Variants in CCNB3 observed in about 807,000 individuals in gnomAD.
The protein encoded by CCNB3 is G2/mitotic-specific cyclin-B3.
CCNB3 carries 12 observed loss-of-function variants against 68.0 expected under a neutral mutation model. The observed-to-expected ratio is 0.18, with a 90% CI of 0.11 to 0.29. The LOEUF is 0.29. CCNB3 is among the 10% of genes least tolerant of loss of function. The pLI is 1.00. For synonymous variants in CCNB3, 354 were observed against 388.9 expected (o/e 0.91, Z 1.06); for missense variants, 904 against 993.1 (o/e 0.91, Z 1.21).
At chrX:50,228,308 A>C (rs957873480) in intron 1 of CCNB3, among the ~76,000 whole-genome samples, 14 of 93,955 alleles carry the variant, frequency 1.5e-4, no homozygotes, top group Admixed American at 4.2e-4. Context: ...TATATAGAGA[A>C]TATATATGAA....
In CCNB3 at chrX:50,311,358, C is replaced by A. The variant is rs781933670; in HGVS notation, c.3189C>A (p.Thr1063=). 1.9e-5 allele frequency: 23 copies of A among 1,210,797 alleles called. No homozygotes were observed. The highest frequency in any genetic ancestry group is 1.8e-5 in the Non-Finnish European group (16 of 895,206). ...IGTSPYVFST[T]PESITEKSSI... ...CCAGCCCATATGTGTTTAGCACCAC[C>A]CCTGAATCCATAACAGAGAAGTCCA... The change falls in exon 6 of 13, where the codon ACC becomes ACA. Residue 1063 remains threonine, a synonymous_variant. Coordinates refer to ENST00000376042, the MANE Select transcript of CCNB3 (RefSeq NM_033031.3).
At chrX:50,295,960 A>G (rs1395285661) in intron 5 of CCNB3, among the ~76,000 whole-genome samples, 1 of 111,176 alleles carries the variant, frequency 9.0e-6, no homozygotes, top group Non-Finnish European at 1.9e-5. Flanking sequence ...TCCACAGGAT[A>G]TTGTGCTAAT....
intron 8 of CCNB3, among the ~76,000 whole-genome samples, chrX:50,324,761 TAAGTA>T (rs1922210063): frequency 2.7e-5 from 3 of 112,407 alleles, no homozygotes; most frequent in African/African-American, 9.7e-5. Flanking sequence ...CATTTTCTTC[TAAGTA>T]TAGTTCTGAG....
intron 1 of CCNB3, among the ~76,000 whole-genome samples, chrX:50,279,336 A>T (rs1450952347): frequency 2.7e-5 from 2 of 75,076 alleles, no homozygotes; most frequent in African/African-American, 1.1e-4. Flanking sequence ...AATATATATG[A>T]ATATATATAT....
intron 8 of CCNB3, among the ~76,000 whole-genome samples, chrX:50,330,754 A>G (rs1423186653): frequency 8.9e-6 from 1 of 112,225 alleles, no homozygotes; most frequent in Non-Finnish European, 1.9e-5. Context: ...TTGCATGGGC[A>G]TATGTGCCAG....
At position 50,327,801 on chromosome X, in the gene CCNB3, C is replaced by A. The variant is rs375846079; in HGVS notation, c.3516+13853C>A. On this transcript the variant is annotated intron_variant, in intron 8 of 12. Transcript: ENST00000376042. ...AAAGTCCATTTTCTAATCCATAGAA[C>A]CTGTACATATGTTACCTTATCTAGT... 3.0e-4 allele frequency among the ~76,000 whole-genome samples: 33 copies of A among 111,768 alleles called. No homozygotes were observed. The South Asian group carries it at 0.012, about 40-fold the overall frequency.
intron 1 of CCNB3, among the ~76,000 whole-genome samples, chrX:50,279,455 T>G (rs1936043672): frequency 1.2e-5 from 1 of 81,343 alleles, no homozygotes; most frequent in African/African-American, 4.7e-5. Flanking sequence ...AATATATAAA[T>G]ATATATAAAT....
intron 8 of CCNB3, among the ~76,000 whole-genome samples, chrX:50,332,846 G>A (rs1557218266): frequency 8.9e-6 from 1 of 111,850 alleles, no homozygotes; most frequent in Non-Finnish European, 1.9e-5. Flanking sequence ...AGTTGAAATA[G>A]TTTGTGTAAT....
chrX:50,226,237 A>ATATATATAGAATATATATATT lies in CCNB3; in HGVS notation c.-113+21296_-113+21316dup, dbSNP rs1935778689. Among the ~76,000 whole-genome samples the ATATATATAGAATATATATATT allele has an allele frequency of 7.9e-3, 542 of 68,385 alleles. 4 individuals are homozygous for ATATATATAGAATATATATATT. The highest frequency in any genetic ancestry group is 0.012 in the Non-Finnish European group (487 of 40,961). 59.4% of individuals were successfully genotyped at this position (68,385 alleles called of 115,157 possible). A position where few individuals can be genotyped will look rare whatever the true frequency, so the allele number is the denominator to read the frequency against. On this transcript the variant is annotated intron_variant, in intron 1 of 12. Coordinates refer to ENST00000376042, the MANE Select transcript of CCNB3 (RefSeq NM_033031.3). ...TTATATATATAGAATATATATATTT[A>ATATATATAGAATATATATATT]TATATATAGAATATATATATTTATA...
chrX:50,321,050 A>T (rs1223234956), intron 8 of CCNB3, among the ~76,000 whole-genome samples: 1 of 111,429 alleles, frequency 9.0e-6, no homozygotes, highest in East Asian at 2.8e-4. Flanking sequence ...ATAAATGTGC[A>T]TTTTTTAACA....
chrX:50,227,415 ATATT>A (rs1473240965), intron 1 of CCNB3, among the ~76,000 whole-genome samples: 2 of 88,383 alleles, frequency 2.3e-5, no homozygotes, highest in Non-Finnish European at 4.2e-5. Context: ...TATACAGAGA[ATATT>A]TATAAATATA....
intron 1 of CCNB3, among the ~76,000 whole-genome samples, chrX:50,227,658 A>G (rs1171241129): frequency 6.4e-4 from 4 of 6,210 alleles, no homozygotes; most frequent in Non-Finnish European, 8.7e-4. Context: ...GAATATATAT[A>G]AAAATATATA....
Position 50,309,721 on chromosome X carries a change from T to A in CCNB3, c.1552T>A (p.Ser518Thr), listed in dbSNP as rs1557214310. ...LILQTTSGEK[S>T]LIKEPLPFKE... ...ATTACAGACCACCTCTGGAGAAAAG[T>A]CACTTATTAAGGAGCCACTGCCCTT... The change falls in exon 6 of 13, where the codon TCA (serine) becomes ACA (threonine). Residue 518 changes from serine (S) to threonine (T), a missense_variant. Physicochemically the swap from Ser to Thr is moderately conservative, Grantham distance 58. Coordinates refer to ENST00000376042, the MANE Select transcript of CCNB3 (RefSeq NM_033031.3). The A allele has an allele frequency of 3.3e-6, 4 of 1,209,633 alleles. No homozygotes were observed. The highest frequency in any genetic ancestry group is 4.5e-6 in the Non-Finnish European group (4 of 894,763).
At chrX:50,205,789 A>C (rs782062201) in intron 1 of CCNB3, among the ~76,000 whole-genome samples, 1 of 108,379 alleles carries the variant, frequency 9.2e-6, no homozygotes, top group South Asian at 4.0e-4. Flanking sequence ...CCCCGTCTCT[A>C]TTAACAATAC....
rs376926259 is a variant in CCNB3, at chrX:50,308,826, T to A, written c.657T>A (p.Thr219=). Reference sequence around the variant, plus strand: ...TGACTTTTAAGAAGACACATAAAACTGAGGAGGCAGCCATCACCAAGAAGA... The same window carrying A: ...TGACTTTTAAGAAGACACATAAAACAGAGGAGGCAGCCATCACCAAGAAGA... ...EPMTFKKTHK[T]EEAAITKKTL... Residue 219 remains threonine (T), a synonymous_variant, in exon 6 of 13, where the codon ACT becomes ACA. Transcript: ENST00000376042. 512 of 1,209,665 alleles carry A rather than the reference T, an allele frequency of 4.2e-4. No homozygotes were observed. The highest frequency in any genetic ancestry group is 5.3e-4 in the Non-Finnish European group (475 of 895,155).
chrX:50,338,123 C>T (rs868977111), intron 8 of CCNB3, among the ~76,000 whole-genome samples: 18 of 111,932 alleles, frequency 1.6e-4, no homozygotes, highest in East Asian at 1.1e-3. Flanking sequence ...TACCCGGGAG[C>T]GCTCTCAGGA....
intron 5 of CCNB3, among the ~76,000 whole-genome samples, chrX:50,296,995 ATTTG>A (rs1281824641): frequency 9.0e-6 from 1 of 110,552 alleles, no homozygotes; most frequent in Non-Finnish European, 1.9e-5. Flanking sequence ...TTTCTTGTAA[ATTTG>A]TTTGAGTTCA....
chrX:50,325,920 C>G (rs974403215), intron 8 of CCNB3, among the ~76,000 whole-genome samples: 31 of 108,907 alleles, frequency 2.8e-4, no homozygotes, highest in African/African-American at 1.0e-3. Context: ...TTTTATTATC[C>G]TTTCTTTTAA....
At chrX:50,301,652 C>T (rs1418662251) in intron 5 of CCNB3, among the ~76,000 whole-genome samples, 1 of 112,435 alleles carries the variant, frequency 8.9e-6, no homozygotes, top group Non-Finnish European at 1.9e-5. Flanking sequence ...CCACTACTCT[C>T]TTCAAAGCTG....
Sources: allele counts gnomAD v4.1 joint callset (sites outside exome capture counted in the v4.1 genomes callset), GRCh38; gene constraint gnomAD v4.1.1; transcripts MANE v1.5; gene names NCBI Gene and HGNC (gene_info 2026-07-23, HGNC 2026-07-21).